The following LYPD1 variants were observed in gnomAD, a reference collection of about 807,000 sequenced individuals.
LYPD1 encodes the protein LY6/PLAUR domain containing 1, also known as ly6/PLAUR domain-containing protein 1.
LYPD1 carries 14 observed loss-of-function variants against 14.2 expected under a neutral mutation model. The observed-to-expected ratio is 0.99, with a 90% CI of 0.65 to 1.54. The LOEUF (loss-of-function observed/expected upper bound fraction) is 1.54, where lower values mean the gene tolerates loss of function less well. Ranked by LOEUF, LYPD1 falls within the 40% of genes most tolerant of loss-of-function variation. The pLI, the probability that LYPD1 is intolerant of heterozygous loss-of-function variation, is 0.00. For synonymous variants in LYPD1, 85 were observed against 70.6 expected, an observed-to-expected ratio of 1.20 and a Z score of -1.02; for missense variants, 165 against 175.7, an observed-to-expected ratio of 0.94 and a Z score of 0.34.
intron 2 of LYPD1, among the ~76,000 whole-genome samples, chr2:132,665,545 C>T (rs1014539086): frequency 1.3e-5 from 2 of 152,188 alleles, no homozygotes; most frequent in African/African-American, 4.8e-5. Context: ...TTCAGGCAGA[C>T]CTGGCAGGAT....
chr2:132,646,551 A>C lies in LYPD1; in HGVS notation c.191-271T>G, dbSNP rs546393630. ...ATACCTGTTAATAAAGAGCTGTTAA[A>C]TAGACTTATTTACATTTTAAGTCAG... is the stretch of plus-strand genomic sequence containing the variant. On this transcript the variant is annotated intron_variant, in intron 2 of 2. Coordinates refer to ENST00000397463, the MANE Select transcript of LYPD1 (RefSeq NM_144586.7). 22 of 345,894 alleles carry C rather than the reference A, an allele frequency of 6.4e-5. No individual in the cohort carries two copies. The South Asian group carries it at 3.3e-3, about 52-fold the overall frequency. The allele number at this position is 345,894 out of a possible 1,614,324, so 21.4% of individuals were successfully genotyped here.
chr2:132,646,349 A>C (rs1682077203), intron 2 of LYPD1, 69 bp from the exon 3 acceptor site: 2 of 1,106,244 alleles, frequency 1.8e-6, no homozygotes, highest in Admixed American at 3.7e-5. Context: ...CTCTCAGCCC[A>C]AATCCAAACG....
intron 2 of LYPD1, among the ~76,000 whole-genome samples, chr2:132,652,733 C>T (rs138262136): frequency 6.1e-4 from 93 of 151,908 alleles, no homozygotes; most frequent in Middle Eastern, 3.4e-3. Flanking sequence ...ATCAAGCCAC[C>T]CAGCGTTTAA....
intron 2 of LYPD1, among the ~76,000 whole-genome samples, chr2:132,646,722 T>C (rs202038765): frequency 2.6e-5 from 4 of 152,202 alleles, no homozygotes; most frequent in Non-Finnish European, 5.9e-5. Flanking sequence ...CTCTCAACTA[T>C]GTGTTGATGA....
At chr2:132,659,900 A>G (rs1318873063) in intron 2 of LYPD1, among the ~76,000 whole-genome samples, 1 of 152,234 alleles carries the variant, frequency 6.6e-6, no homozygotes, top group African/African-American at 2.4e-5. Context: ...ATTTTGCATA[A>G]GTAATAGAAC....
intron 2 of LYPD1, among the ~76,000 whole-genome samples, chr2:132,656,444 G>A (rs1275917588): frequency 3.3e-5 from 5 of 152,270 alleles, no homozygotes; most frequent in South Asian, 2.1e-4. Context: ...CTTGGGGAAC[G>A]GGTAATTGGA....
At chr2:132,650,690 C>G (rs1337675246) in intron 2 of LYPD1, among the ~76,000 whole-genome samples, 1 of 150,280 alleles carries the variant, frequency 6.7e-6, no homozygotes, top group Non-Finnish European at 1.5e-5. Flanking sequence ...TTCCTTTTCT[C>G]TCCCTCCCTT....
intron 2 of LYPD1, among the ~76,000 whole-genome samples, chr2:132,656,771 TC>T (rs1682619066): frequency 6.6e-6 from 1 of 152,110 alleles, no homozygotes; most frequent in African/African-American, 2.4e-5. Flanking sequence ...AAAAGCCCCC[TC>T]CATTTGAGTT....
In LYPD1 at chr2:132,645,354, C is replaced by T. The variant is rs1210975128; in HGVS notation, c.*691G>A. ...GCCTGTCGCTGCAGCACGCCAACCA[C>T]GAGAAGCGCCTGCGCGTACATGCGC... On this transcript the variant is annotated 3_prime_UTR_variant, in exon 3 of 3. Coordinates refer to ENST00000397463, the MANE Select transcript of LYPD1 (RefSeq NM_144586.7). 2.5e-6 allele frequency: 4 copies of T among 1,614,130 alleles called. No homozygotes were observed. The highest frequency in any genetic ancestry group is 1.7e-5 in the Admixed American group (1 of 60,018).
chr2:132,645,381 C>G lies in LYPD1; in HGVS notation c.*664G>C. ...AGAAGCGCCTGCGCGTACATGCGCA[C>G]TCCACCACCGACAGCGCCCGCTTTG... On this transcript the variant is annotated 3_prime_UTR_variant, in exon 3 of 3. Transcript: ENST00000397463. 6.2e-7 allele frequency: 1 copy of G among 1,613,770 alleles called. No homozygotes were observed. The highest frequency in any genetic ancestry group is 1.7e-5 in the Admixed American group (1 of 60,014).
At chr2:132,651,992 G>A (rs1243068723) in intron 2 of LYPD1, among the ~76,000 whole-genome samples, 1 of 152,216 alleles carries the variant, frequency 6.6e-6, no homozygotes, top group Non-Finnish European at 1.5e-5. Context: ...GGGCAGGAAG[G>A]AATGGCTGGG....
At chr2:132,649,880 A>AT (rs373908560) in intron 2 of LYPD1, among the ~76,000 whole-genome samples, 8,495 of 150,362 alleles carry the variant, frequency 0.056, 288 homozygotes, top group Middle Eastern at 0.13. Context: ...ACCTTGGGAG[A>AT]TTTTTTTTTT....
At chr2:132,661,864 G>T (rs1362770966) in intron 2 of LYPD1, among the ~76,000 whole-genome samples, 1 of 151,688 alleles carries the variant, frequency 6.6e-6, no homozygotes, top group Admixed American at 6.6e-5. Flanking sequence ...ATACTTTAAA[G>T]GGTGAATTAT....
chr2:132,665,830 G>C (rs1199352774), intron 2 of LYPD1, among the ~76,000 whole-genome samples: 2 of 152,158 alleles, frequency 1.3e-5, no homozygotes, highest in Admixed American at 6.5e-5. Flanking sequence ...CCAGGCATGT[G>C]GAGTTGAACA....
chr2:132,666,565 T>C (rs1376620537), intron 2 of LYPD1: 2 of 152,144 alleles, frequency 1.3e-5, no homozygotes, highest in Admixed American at 6.5e-5. Flanking sequence ...ACCTACCTTG[T>C]CTGAGCTTAT....
chr2:132,657,867 G>A (rs2104912754), intron 2 of LYPD1, among the ~76,000 whole-genome samples: 1 of 152,062 alleles, frequency 6.6e-6, no homozygotes, highest in East Asian at 1.9e-4. Flanking sequence ...TTTTTCCAGG[G>A]GTCCCTGGAG....
At chr2:132,654,505 T>C (rs754722214) in intron 2 of LYPD1, among the ~76,000 whole-genome samples, 2 of 152,132 alleles carry the variant, frequency 1.3e-5, no homozygotes, top group Non-Finnish European at 2.9e-5. Context: ...ACCACTCTCA[T>C]GCTGAGTAAT....
intron 2 of LYPD1, among the ~76,000 whole-genome samples, chr2:132,658,912 AC>A (rs1682760717): frequency 6.6e-6 from 1 of 152,082 alleles, no homozygotes; most frequent in Admixed American, 6.5e-5. Flanking sequence ...GGTAACCTGG[AC>A]CCCAGCTTCC....
chr2:132,646,494 C>T, intron 2 of LYPD1: 1 of 398,496 alleles, frequency 2.5e-6, no homozygotes, highest in Non-Finnish European at 4.4e-6. Flanking sequence ...CAAAACTGTT[C>T]CAAAAGCGAT....
Sources: gnomAD v4.1 joint callset for allele counts (sites outside exome capture counted in the v4.1 genomes callset) on GRCh38, gnomAD v4.1.1 for gene constraint, MANE v1.5 for transcripts, NCBI Gene and HGNC (gene_info 2026-07-23, HGNC 2026-07-21) for gene names.